POSTN: variants seen among roughly 807,000 people sequenced by gnomAD.
POSTN encodes osteoblast specific factor 2 (fasciclin I-like).
Under a neutral mutation model 104.5 loss-of-function variants are expected in POSTN, and 71 were observed. The ratio of observed to expected loss-of-function variants is 0.68; its 90% CI spans 0.56 to 0.83. The LOEUF (loss-of-function observed/expected upper bound fraction) is 0.83, where lower values mean the gene tolerates loss of function less well. POSTN is among the 40% of genes least tolerant of loss of function. The pLI, the probability that POSTN is intolerant of heterozygous loss-of-function variation, is 0.00. For synonymous variants in POSTN, 355 were observed against 340.7 expected (o/e 1.04, Z -0.46); for missense variants, 949 against 1,006.8 (o/e 0.94, Z 0.78).
At chr13:37,567,060 C>A (rs1160742112) in intron 21 of POSTN, among the ~76,000 whole-genome samples, 1 of 148,510 alleles carries the variant, frequency 6.7e-6, no homozygotes, top group African/African-American at 2.5e-5. Flanking sequence ...AACGGTGAAA[C>A]CCCGTCTCTA....
rs1950739888 is a variant in POSTN at position 37,586,187 on chromosome 13, G to A, written c.847C>T (p.Pro283Ser). Residue 283 changes from proline to serine, a missense_variant, in exon 7 of 23, where the codon CCA becomes TCA. Pro to Ser is a moderately conservative substitution (Grantham distance 74). Transcript: ENST00000379747. ...ATGATCCTTTCTAGGACACCTCGTG[G>A]AAGTTTCTCAAAAGCCTCATTGGTG... is the stretch of plus-strand genomic sequence containing the variant. ...APTNEAFEKL[P>S]RGVLERIMGD... is the part of the protein sequence containing the mutation. The A allele has an allele frequency of 6.2e-7, 1 of 1,613,810 alleles. No individual in the cohort carries two copies. Among genetic ancestry groups the A allele is most frequent in the Non-Finnish European group, 8.5e-7 (1 of 1,179,798 alleles).
At chr13:37,567,494 A>G (rs1950149211) in intron 21 of POSTN, among the ~76,000 whole-genome samples, 1 of 152,302 alleles carries the variant, frequency 6.6e-6, no homozygotes, top group Admixed American at 6.5e-5. Flanking sequence ...ATAGCTGGAA[A>G]AAAGAAAACA....
chr13:37,572,001 A>G (rs1200905329), intron 17 of POSTN, among the ~76,000 whole-genome samples: 1 of 151,656 alleles, frequency 6.6e-6, no homozygotes, highest in Non-Finnish European at 1.5e-5. Context: ...TTATGAGGAA[A>G]ATAATTTGAG....
At chr13:37,591,293 T>C (rs1950924333) in intron 3 of POSTN, among the ~76,000 whole-genome samples, 1 of 151,940 alleles carries the variant, frequency 6.6e-6, no homozygotes, top group South Asian at 2.1e-4. Flanking sequence ...ATAGTGTATG[T>C]AAAAAAAACT....
rs1950534827 is a variant in POSTN at position 37,580,093 on chromosome 13, G to A, written c.1530-102C>T. The A allele has an allele frequency of 1.1e-5, 12 of 1,085,734 alleles. No homozygotes were observed. In the East Asian group the frequency reaches 3.0e-4, roughly 27 times the overall value. The allele number at this position is 1,085,734 out of a possible 1,614,324, so 67.3% of individuals were successfully genotyped here. On this transcript the variant is annotated intron_variant, in intron 11 of 22. Transcript: ENST00000379747. ...AGAATCCATGTATTGTGGAAAGCATGAGAGAACTGCTCATACATTTTCATA... is the reference window on the plus strand; with the variant it reads ...AGAATCCATGTATTGTGGAAAGCATAAGAGAACTGCTCATACATTTTCATA...
At chr13:37,569,114 A>G in intron 21 of POSTN, 186 bp downstream of exon 21, 1 of 452,556 alleles carries the variant, frequency 2.2e-6, no homozygotes, top group Non-Finnish European at 3.9e-6. Flanking sequence ...GACTGTTTAA[A>G]CTAGTAATCA....
At position 37,579,997 on chromosome 13, in the gene POSTN, T is replaced by G. The variant is rs1950530976; in HGVS notation, c.1530-6A>C. ...CAAGTAGGCTGAGGAAGGTGCTAAGTGGGAAGAATGTATATGTATTTTGTC... is the reference window on the plus strand; with the variant it reads ...CAAGTAGGCTGAGGAAGGTGCTAAGGGGGAAGAATGTATATGTATTTTGTC... On this transcript the variant is annotated splice_polypyrimidine_tract_variant and splice_region_variant and intron_variant, in intron 11 of 22. Transcript: ENST00000379747. The G allele has an allele frequency of 6.2e-7, 1 of 1,611,068 alleles. No individual in the cohort carries two copies. The highest frequency in any genetic ancestry group is 1.3e-5 in the African/African-American group (1 of 74,794).
chr13:37,574,883 T>C (rs1483666414), intron 16 of POSTN, among the ~76,000 whole-genome samples: 1 of 151,956 alleles, frequency 6.6e-6, no homozygotes, highest in African/African-American at 2.4e-5. Flanking sequence ...TAGTGAAATA[T>C]ATACTCACAA....
At chr13:37,572,479 C>T (rs1950289163) in intron 17 of POSTN, among the ~76,000 whole-genome samples, 1 of 151,356 alleles carries the variant, frequency 6.6e-6, no homozygotes, top group African/African-American at 2.4e-5. Context: ...GCGGTAACTT[C>T]AAAAGAAAGG....
chr13:37,586,077 C>T, intron 7 of POSTN, 62 bp downstream of exon 7: 1 of 1,478,704 alleles, frequency 6.8e-7, no homozygotes, highest in Non-Finnish European at 9.1e-7. Context: ...AAGGACTAGC[C>T]TCTTTTTTAT....
At chr13:37,591,358 T>C (rs965652615) in intron 3 of POSTN, among the ~76,000 whole-genome samples, 19 of 152,216 alleles carry the variant, frequency 1.2e-4, no homozygotes, top group Admixed American at 1.3e-4. Flanking sequence ...GTAACATGGT[T>C]ACCAATGACA....
Position 37,569,825 on chromosome 13 carries a change from T to G in POSTN, c.2270-4A>C. ...CTAGTGTATTTTATTTCAGGACCTA[T>G]GAGAAGGACAATGAAAAAGGTCTAA... On this transcript the variant is annotated splice_polypyrimidine_tract_variant and splice_region_variant and intron_variant, in intron 19 of 22. Coordinates refer to ENST00000379747, the MANE Select transcript of POSTN (RefSeq NM_006475.3). 1.3e-6 allele frequency: 2 copies of G among 1,585,050 alleles called. No homozygotes were observed. The highest frequency in any genetic ancestry group is 1.7e-6 in the Non-Finnish European group (2 of 1,156,936).
chr13:37,597,164 GAAA>G lies in POSTN; in HGVS notation c.218+17_218+19del. 7.8e-7 allele frequency: 1 copy of G among 1,282,284 alleles called. No homozygotes were observed. Among genetic ancestry groups the G allele is most frequent in the Non-Finnish European group, 1.1e-6 (1 of 947,472 alleles). The allele number at this position is 1,282,284 out of a possible 1,614,324, so 79.4% of individuals were successfully genotyped here. ...GTTGTTTTTGGAACTGACATATTAT[GAAA>G]AAAAAAAGAGACTTACGTTTTCTGT... is the stretch of plus-strand genomic sequence containing the variant. On this transcript the variant is annotated intron_variant, in intron 2 of 22. Transcript: ENST00000379747.
intron 2 of POSTN, among the ~76,000 whole-genome samples, chr13:37,593,958 G>A (rs1951013145): frequency 6.6e-6 from 1 of 151,626 alleles, no homozygotes; most frequent in East Asian, 1.9e-4. Flanking sequence ...ATAATAGATA[G>A]CTAAAAATAC....
intron 17 of POSTN, among the ~76,000 whole-genome samples, chr13:37,571,939 C>T (rs1204934486): frequency 6.6e-6 from 1 of 151,418 alleles, no homozygotes; most frequent in Non-Finnish European, 1.5e-5. Context: ...TAGGAGTGAA[C>T]ATAAGAAAGT....
At chr13:37,588,864 T>C (rs1950838927) in intron 4 of POSTN, among the ~76,000 whole-genome samples, 1 of 152,114 alleles carries the variant, frequency 6.6e-6, no homozygotes, top group African/African-American at 2.4e-5. Flanking sequence ...TTTTGTGGCA[T>C]TGGAATTTAA....
intron 16 of POSTN, 73 bp downstream of exon 16, chr13:37,577,680 A>G: frequency 1.3e-6 from 2 of 1,558,286 alleles, no homozygotes; most frequent in Non-Finnish European, 1.7e-6. Flanking sequence ...AATCTCTGTA[A>G]ATACAAAGAA....
At position 37,598,753 on chromosome 13, in the gene POSTN, C is replaced by A; in HGVS notation, c.-27G>T. The A allele has an allele frequency of 6.2e-7, 1 of 1,609,248 alleles. No homozygotes were observed. The highest frequency in any genetic ancestry group is 8.5e-7 in the Non-Finnish European group (1 of 1,176,776). On this transcript the variant is annotated 5_prime_UTR_variant, in exon 1 of 23. Coordinates refer to ENST00000379747, the MANE Select transcript of POSTN (RefSeq NM_006475.3). ...TTGAGTCTCTCCGTTGCAGTTAGTC[C>A]CCGAAGAGAACTGGCAGTGGGCTTT...
intron 4 of POSTN, 45 bp downstream of exon 4, chr13:37,590,316 AAATGAAATAAC>A: frequency 7.3e-7 from 1 of 1,373,316 alleles, no homozygotes; most frequent in African/African-American, 1.5e-5. Context: ...AAGTCAGTTA[AAATGAAATAAC>A]AATAACAGCA....
Sources: gnomAD v4.1 joint callset for allele counts (sites outside exome capture counted in the v4.1 genomes callset) on GRCh38, gnomAD v4.1.1 for gene constraint, MANE v1.5 for transcripts, NCBI Gene and HGNC (gene_info 2026-07-23, HGNC 2026-07-21) for gene names.